Variants in NKAIN2 observed in about 807,000 individuals in gnomAD.
NKAIN2 encodes the protein sodium/potassium-transporting ATPase subunit beta-1-interacting protein 2.
Under a neutral mutation model 32.6 loss-of-function variants are expected in NKAIN2, and 14 were observed. The ratio of observed to expected loss-of-function variants is 0.43; its 90% CI spans 0.28 to 0.67. The LOEUF is 0.67. Among genes scored for constraint, NKAIN2 ranks in the 30% least tolerant of loss-of-function variants. The probability of loss-of-function intolerance (pLI) is 0.17; values close to 1 mark genes in which losing one functional copy is unlikely to be tolerated. For missense variants in NKAIN2, 198 were observed against 258.3 expected (o/e 0.77, Z 1.60); for synonymous variants, 80 against 87.2 (o/e 0.92, Z 0.46).
At chr6:124,425,225 T>C (rs1228958183) in intron 3 of NKAIN2, among the ~76,000 whole-genome samples, 2 of 152,056 alleles carry the variant, frequency 1.3e-5, no homozygotes, top group African/African-American at 4.8e-5. Flanking sequence ...AAGAAAAAGA[T>C]AAGTCTTTCA....
chr6:124,679,771 C>T (rs575061565), intron 4 of NKAIN2, among the ~76,000 whole-genome samples: 1 of 152,010 alleles, frequency 6.6e-6, no homozygotes, highest in South Asian at 2.1e-4. Context: ...CAGAATAGGT[C>T]TTCAGTAAAT....
intron 3 of NKAIN2, among the ~76,000 whole-genome samples, chr6:124,556,860 T>C (rs1780495273): frequency 6.6e-6 from 1 of 152,172 alleles, no homozygotes; most frequent in Non-Finnish European, 1.5e-5. Flanking sequence ...AATCAAATGC[T>C]CCTTCAGCTC....
intron 3 of NKAIN2, among the ~76,000 whole-genome samples, chr6:124,550,220 G>T (rs1780239158): frequency 6.6e-6 from 1 of 152,074 alleles, no homozygotes. Context: ...AAGAACTCCA[G>T]GGTATTTCTT....
At chr6:124,810,377 A>G (rs1487084875) in intron 5 of NKAIN2, among the ~76,000 whole-genome samples, 4 of 152,198 alleles carry the variant, frequency 2.6e-5, no homozygotes, top group East Asian at 1.9e-4. Context: ...GTAAACTATC[A>G]CAAGAACAAA....
Position 124,154,066 on chromosome 6 carries a change from A to G in NKAIN2, c.55-128939A>G, listed in dbSNP as rs183032768. Among the ~76,000 whole-genome samples the G allele has an allele frequency of 3.4e-3, 522 of 151,580 alleles. 2 individuals carry two copies. Among genetic ancestry groups the G allele is most frequent in the Non-Finnish European group, 4.6e-3 (311 of 67,664 alleles). On this transcript the variant is annotated intron_variant, in intron 1 of 6. Coordinates refer to ENST00000368417, the MANE Select transcript of NKAIN2 (RefSeq NM_001040214.3). ...TTCTACAACAACTGAAATAATTATG[A>G]TTTTTTTCTTGTACTCTGGTGATTT...
At chr6:123,962,315 G>C (rs1777883244) in intron 1 of NKAIN2, among the ~76,000 whole-genome samples, 1 of 152,140 alleles carries the variant, frequency 6.6e-6, no homozygotes, top group African/African-American at 2.4e-5. Flanking sequence ...AGTGTCTGAA[G>C]AAGATTCTCA....
chr6:124,742,330 G>T (rs992843611), intron 4 of NKAIN2, among the ~76,000 whole-genome samples: 1 of 151,786 alleles, frequency 6.6e-6, no homozygotes, highest in Non-Finnish European at 1.5e-5. Flanking sequence ...TAGAACAAAA[G>T]GCAGAGTAAG....
rs1346574088 is a variant in NKAIN2 at position 123,804,998 on chromosome 6, C to G, written c.54+744C>G. Among the ~76,000 whole-genome samples the G allele has an allele frequency of 2.0e-5, 3 of 152,110 alleles. 1 individual carries two copies. The East Asian group carries it at 5.8e-4, about 29-fold the overall frequency. Reference sequence around the variant, plus strand: ...GTCTGATCCTATAGGATGGAGAATTCTATGTACTTTTTGAGGAATGTTGTA... The same window carrying G: ...GTCTGATCCTATAGGATGGAGAATTGTATGTACTTTTTGAGGAATGTTGTA... On this transcript the variant is annotated intron_variant, in intron 1 of 6. Coordinates refer to ENST00000368417, the MANE Select transcript of NKAIN2 (RefSeq NM_001040214.3).
At chr6:124,171,204 G>C (rs960262707) in intron 1 of NKAIN2, among the ~76,000 whole-genome samples, 1 of 151,940 alleles carries the variant, frequency 6.6e-6, no homozygotes, top group Admixed American at 6.6e-5. Flanking sequence ...TATTCTTAAG[G>C]AACTTTTTTT....
At chr6:123,831,917 G>A (rs918892307) in intron 1 of NKAIN2, among the ~76,000 whole-genome samples, 4 of 152,176 alleles carry the variant, frequency 2.6e-5, no homozygotes, top group Admixed American at 2.6e-4. Flanking sequence ...GCCTTGCAAA[G>A]TGCTGGGATT....
chr6:124,440,654 T>A (rs1415947836), intron 3 of NKAIN2, among the ~76,000 whole-genome samples: 1 of 152,114 alleles, frequency 6.6e-6, no homozygotes. Flanking sequence ...AGTATCAGTT[T>A]CACCTTCTAA....
chr6:124,777,604 T>A (rs566754257), intron 4 of NKAIN2, among the ~76,000 whole-genome samples: 3 of 152,278 alleles, frequency 2.0e-5, no homozygotes, highest in East Asian at 3.9e-4. Context: ...TCATCAGAGA[T>A]GAGGAACAGC....
chr6:124,378,120 A>T (rs1800069104), intron 3 of NKAIN2, among the ~76,000 whole-genome samples: 1 of 152,122 alleles, frequency 6.6e-6, no homozygotes, highest in Admixed American at 6.5e-5. Context: ...CACTTACTGA[A>T]GGGGCCCCTG....
intron 3 of NKAIN2, among the ~76,000 whole-genome samples, chr6:124,361,733 A>C (rs1412967243): frequency 6.6e-6 from 1 of 152,176 alleles, no homozygotes; most frequent in Non-Finnish European, 1.5e-5. Context: ...TTAGGGAATA[A>C]AATTGCACTC....
At chr6:124,255,458 A>T (rs528303332) in intron 1 of NKAIN2, among the ~76,000 whole-genome samples, 1 of 152,190 alleles carries the variant, frequency 6.6e-6, no homozygotes, top group East Asian at 1.9e-4. Flanking sequence ...CTCTGTAAAG[A>T]TAATACGCAT....
chr6:123,843,540 G>A (rs1774967567), intron 1 of NKAIN2, among the ~76,000 whole-genome samples: 1 of 152,108 alleles, frequency 6.6e-6, no homozygotes, highest in South Asian at 2.1e-4. Context: ...TTTGGAAAAG[G>A]TATCTTTTGG....
intron 1 of NKAIN2, among the ~76,000 whole-genome samples, chr6:123,952,843 T>G: frequency 6.6e-6 from 1 of 152,162 alleles, no homozygotes; most frequent in East Asian, 1.9e-4. Flanking sequence ...TTTTAAAATA[T>G]TTCTATTTGA....
At chr6:123,829,769 C>T (rs1450518269) in intron 1 of NKAIN2, among the ~76,000 whole-genome samples, 1 of 152,182 alleles carries the variant, frequency 6.6e-6, no homozygotes, top group Non-Finnish European at 1.5e-5. Flanking sequence ...GATAACTAGT[C>T]ATCTGTGACA....
intron 3 of NKAIN2, among the ~76,000 whole-genome samples, chr6:124,607,277 GTTTA>G (rs1294585405): frequency 6.6e-6 from 1 of 152,062 alleles, no homozygotes; most frequent in Non-Finnish European, 1.5e-5. Context: ...TTTAGTGAGA[GTTTA>G]TTTGAGCAAT....
Sources: allele counts gnomAD v4.1 joint callset (sites outside exome capture counted in the v4.1 genomes callset), GRCh38; gene constraint gnomAD v4.1.1; transcripts MANE v1.5; gene names NCBI Gene and HGNC (gene_info 2026-07-23, HGNC 2026-07-21).